COMMD1: variants seen among roughly 807,000 people sequenced by gnomAD.
COMMD1 encodes copper metabolism domain containing 1.
Under a neutral mutation model 17.2 loss-of-function variants are expected in COMMD1, and 10 were observed. That is an observed-to-expected ratio of 0.58 (90% confidence interval 0.36 to 0.99). COMMD1 has a LOEUF of 0.99. Ranked by LOEUF, COMMD1 falls within the 50% of genes least tolerant of loss-of-function variation. COMMD1 has a pLI of 0.01. For synonymous variants in COMMD1, 97 were observed against 91.6 expected, an observed-to-expected ratio of 1.06 and a Z score of -0.34; for missense variants, 270 against 231.8, an observed-to-expected ratio of 1.17 and a Z score of -1.07.
Position 62,062,137 on chromosome 2 carries a change from T to A in COMMD1, c.462+61155T>A, listed in dbSNP as rs539328481. On this transcript the variant is annotated intron_variant, in intron 2 of 2. Transcript: ENST00000311832. ...TGATCTGGACAAATGACATTAACTC[T>A]TTCTAACCTTGATTTTCTCATCTGT... Among the ~76,000 whole-genome samples the A allele has an allele frequency of 2.0e-5, 3 of 152,242 alleles. No homozygotes were observed. In the South Asian group the frequency reaches 6.2e-4, roughly 32 times the overall value.
At chr2:62,119,600 G>A (rs1292472167) in intron 2 of COMMD1, among the ~76,000 whole-genome samples, 3 of 152,174 alleles carry the variant, frequency 2.0e-5, no homozygotes, top group Admixed American at 6.5e-5. Context: ...CTCTAGAGAA[G>A]GGTCAAGAGA....
At chr2:61,925,267 G>T (rs1327459199) in intron 1 of COMMD1, among the ~76,000 whole-genome samples, 1 of 152,016 alleles carries the variant, frequency 6.6e-6, no homozygotes, top group African/African-American at 2.4e-5. Flanking sequence ...ATAATGTAAG[G>T]TTAGCAGAGA....
chr2:61,956,163 C>G (rs189508951), intron 1 of COMMD1, among the ~76,000 whole-genome samples: 1 of 152,268 alleles, frequency 6.6e-6, no homozygotes, highest in East Asian at 1.9e-4. Context: ...AGTTGAGAAA[C>G]AAGGTCTAAT....
chr2:61,949,581 G>A (rs116096251), intron 1 of COMMD1, among the ~76,000 whole-genome samples: 1 of 152,184 alleles, frequency 6.6e-6, no homozygotes, highest in Non-Finnish European at 1.5e-5. Flanking sequence ...TATCCAAAGA[G>A]AGAAGAAATA....
chr2:61,978,912 A>T (rs1218573468), intron 1 of COMMD1, among the ~76,000 whole-genome samples: 2 of 152,216 alleles, frequency 1.3e-5, no homozygotes. Flanking sequence ...TAATCATATC[A>T]GGGGAAATGG....
rs1275967133 is a variant in COMMD1, at chr2:62,006,200, TG to T, written c.462+5224del. Among the ~76,000 whole-genome samples the T allele has an allele frequency of 9.3e-5, 3 of 32,414 alleles. No individual in the cohort carries two copies. The South Asian group carries it at 4.1e-3, about 45-fold the overall frequency. The allele number at this position is 32,414 out of a possible 152,430, so 21.3% of individuals were successfully genotyped here. On this transcript the variant is annotated intron_variant, in intron 2 of 2. Transcript: ENST00000311832. Reference sequence around the variant, plus strand: ...TCATACTCTGGGGACTGTTGTGGGGTGGGGGGAGGGGGGGAGGGATAGCATT... The same window carrying T: ...TCATACTCTGGGGACTGTTGTGGGGTGGGGGAGGGGGGGAGGGATAGCATT...
chr2:62,102,980 CTTTTT>C (rs1237752965), intron 2 of COMMD1, among the ~76,000 whole-genome samples: 1 of 140,806 alleles, frequency 7.1e-6, no homozygotes. Context: ...CTTTTTCTTT[CTTTTT>C]TTTTTTTTTT....
chr2:62,049,039 G>A (rs1157079129), intron 2 of COMMD1, among the ~76,000 whole-genome samples: 2 of 152,098 alleles, frequency 1.3e-5, no homozygotes, highest in Admixed American at 6.5e-5. Flanking sequence ...TAAAATGGGT[G>A]AGGGAAATAC....
intron 2 of COMMD1, among the ~76,000 whole-genome samples, chr2:62,031,305 A>G (rs768547024): frequency 1.3e-5 from 2 of 152,196 alleles, no homozygotes; most frequent in Non-Finnish European, 1.5e-5. Context: ...ATGTTTATTG[A>G]GTACTTTTTC....
intron 2 of COMMD1, among the ~76,000 whole-genome samples, chr2:62,021,396 A>G (rs1008779762): frequency 6.6e-6 from 1 of 152,086 alleles, no homozygotes; most frequent in East Asian, 1.9e-4. Context: ...TGTTCAGTGG[A>G]ATTGAAGAGA....
At chr2:61,969,658 A>T (rs1411681493) in intron 1 of COMMD1, among the ~76,000 whole-genome samples, 1 of 152,188 alleles carries the variant, frequency 6.6e-6, no homozygotes, top group Non-Finnish European at 1.5e-5. Flanking sequence ...AGTGATGATT[A>T]ATTTAAATCT....
chr2:62,063,198 A>G (rs1339167567), intron 2 of COMMD1, among the ~76,000 whole-genome samples: 1 of 152,144 alleles, frequency 6.6e-6, no homozygotes, highest in Non-Finnish European at 1.5e-5. Context: ...GCCTGGTGAC[A>G]CAGCAGGACT....
intron 2 of COMMD1, among the ~76,000 whole-genome samples, chr2:62,116,492 C>T (rs188120649): frequency 3.3e-5 from 5 of 151,808 alleles, no homozygotes; most frequent in East Asian, 1.9e-4. Flanking sequence ...GCCAACATGG[C>T]GAAACCCCGT....
At chr2:61,892,936 C>T (rs1669469006) in intron 1 of COMMD1, among the ~76,000 whole-genome samples, 1 of 151,806 alleles carries the variant, frequency 6.6e-6, no homozygotes, top group Admixed American at 6.6e-5. Flanking sequence ...GGCGCAATCT[C>T]AGCTCACTGC....
At chr2:62,009,170 A>C (rs1449113041) in intron 2 of COMMD1, among the ~76,000 whole-genome samples, 1 of 152,204 alleles carries the variant, frequency 6.6e-6, no homozygotes, top group Non-Finnish European at 1.5e-5. Flanking sequence ...CTTAAACTTT[A>C]ATTCTGAATG....
chr2:62,088,741 A>G (rs529749358), intron 2 of COMMD1, among the ~76,000 whole-genome samples: 1 of 152,352 alleles, frequency 6.6e-6, no homozygotes, highest in South Asian at 2.1e-4. Flanking sequence ...AACTCTGTAA[A>G]ATATTTGAAG....
At chr2:61,941,649 G>A (rs1187842526) in intron 1 of COMMD1, among the ~76,000 whole-genome samples, 1 of 152,180 alleles carries the variant, frequency 6.6e-6, no homozygotes, top group Non-Finnish European at 1.5e-5. Flanking sequence ...CCACTAGGCT[G>A]GTTGTTGTCT....
At chr2:62,030,631 ATGT>A (rs534216150) in intron 2 of COMMD1, among the ~76,000 whole-genome samples, 428 of 152,182 alleles carry the variant, frequency 2.8e-3, no homozygotes, top group African/African-American at 9.5e-3. Flanking sequence ...AATTCTTCAT[ATGT>A]TGTTGTGGTA....
chr2:62,100,747 G>A (rs1406321393), intron 2 of COMMD1, among the ~76,000 whole-genome samples: 1 of 152,120 alleles, frequency 6.6e-6, no homozygotes, highest in Non-Finnish European at 1.5e-5. Context: ...GACAATAGAT[G>A]AAAAATATTT....
Sources: gnomAD v4.1 joint callset for allele counts (sites outside exome capture counted in the v4.1 genomes callset) on GRCh38, gnomAD v4.1.1 for gene constraint, MANE v1.5 for transcripts, NCBI Gene and HGNC (gene_info 2026-07-23, HGNC 2026-07-21) for gene names.